The following SHISA9 variants were observed in gnomAD, a reference collection of about 807,000 sequenced individuals.
SHISA9 encodes the protein shisa family member 9.
Under a neutral mutation model 38.0 loss-of-function variants are expected in SHISA9, and 13 were observed. That is an observed-to-expected ratio of 0.34 (90% CI 0.22 to 0.54). The LOEUF is 0.54. Ranked by LOEUF, SHISA9 falls within the 20% of genes least tolerant of loss-of-function variation. The pLI, the probability that SHISA9 is intolerant of heterozygous loss-of-function variation, is 0.91. For synonymous variants in SHISA9, 275 were observed against 242.0 expected (o/e 1.14, Z -1.27); for missense variants, 538 against 575.8 (o/e 0.93, Z 0.67).
chr16:13,214,086 G>A (rs1412143142), intron 4 of SHISA9, among the ~76,000 whole-genome samples: 2 of 152,170 alleles, frequency 1.3e-5, no homozygotes. Flanking sequence ...TTTTCCACTA[G>A]GGTGTAATGG....
Position 12,978,062 on chromosome 16 carries a change from A to G in SHISA9, c.691+61247A>G, listed in dbSNP as rs571063388. 3.3e-5 allele frequency among the ~76,000 whole-genome samples: 5 copies of G among 152,310 alleles called. No individual in the cohort carries two copies. In the South Asian group the frequency reaches 1.0e-3, roughly 32 times the overall value. ...TGGGGGAGAGGTAGGATTTTTGCAG[A>G]GGGACTAGTTGGTGCAAAGACAGGC... On this transcript the variant is annotated intron_variant, in intron 2 of 4. Transcript: ENST00000558583.
the SHISA9 span, among the ~76,000 whole-genome samples, chr16:13,316,949 A>G: frequency 6.6e-6 from 1 of 152,216 alleles, no homozygotes; most frequent in African/African-American, 2.4e-5. Flanking sequence ...TTCTCTGTGC[A>G]TTTAAGGAAG....
chr16:13,354,794 A>C, the SHISA9 span, among the ~76,000 whole-genome samples: 1 of 152,158 alleles, frequency 6.6e-6, no homozygotes, highest in Non-Finnish European at 1.5e-5. Context: ...TGTTTTGTAG[A>C]AGGTGCTGGG....
At chr16:12,912,690 G>A (rs148415712) in intron 1 of SHISA9, among the ~76,000 whole-genome samples, 6 of 152,260 alleles carry the variant, frequency 3.9e-5, no homozygotes, top group Non-Finnish European at 8.8e-5. Context: ...CACGGAGGTT[G>A]CAAGGAGCCC....
chr16:13,166,841 C>G (rs951814825), intron 2 of SHISA9, among the ~76,000 whole-genome samples: 2 of 152,128 alleles, frequency 1.3e-5, no homozygotes, highest in African/African-American at 4.8e-5. Context: ...AACACTCTAT[C>G]AAGATGCTTT....
the SHISA9 span, among the ~76,000 whole-genome samples, chr16:13,483,754 G>T: frequency 6.6e-6 from 1 of 152,092 alleles, no homozygotes; most frequent in Middle Eastern, 3.2e-3. Flanking sequence ...CAAGAGAACT[G>T]GGTCCAGAGA....
the SHISA9 span, among the ~76,000 whole-genome samples, chr16:13,432,083 T>C: frequency 6.6e-6 from 1 of 152,106 alleles, no homozygotes; most frequent in East Asian, 1.9e-4. Context: ...AAAGCTTAAA[T>C]AACAAAATGA....
At chr16:13,396,894 C>G in the SHISA9 span, among the ~76,000 whole-genome samples, 1 of 152,070 alleles carries the variant, frequency 6.6e-6, no homozygotes, top group Non-Finnish European at 1.5e-5. Context: ...ACAGCTGACC[C>G]TTGAACAGCA....
chr16:12,923,356 G>A (rs1247832201), intron 2 of SHISA9, among the ~76,000 whole-genome samples: 2 of 152,054 alleles, frequency 1.3e-5, no homozygotes, highest in African/African-American at 4.8e-5. Context: ...TGGCGAAACC[G>A]TGTCCCTACA....
intron 2 of SHISA9, among the ~76,000 whole-genome samples, chr16:13,068,932 G>A (rs2073469007): frequency 6.6e-6 from 1 of 152,132 alleles, no homozygotes; most frequent in Admixed American, 6.5e-5. Context: ...GTGTGTACAT[G>A]CAATGTGTAT....
the SHISA9 span, chr16:13,350,670 T>G: frequency 2.0e-5 from 3 of 152,200 alleles, no homozygotes; most frequent in South Asian, 2.1e-4. Context: ...GTGGGTTCTT[T>G]CCAGTTGTGC....
At chr16:13,218,960 G>T (rs1031454175) in intron 4 of SHISA9, among the ~76,000 whole-genome samples, 7 of 152,154 alleles carry the variant, frequency 4.6e-5, no homozygotes, top group Non-Finnish European at 1.0e-4. Context: ...TTGGTTATTG[G>T]TTTGGTCATG....
rs528591539 is a variant in SHISA9 at position 13,017,142 on chromosome 16, T to C, written c.691+100327T>C. On this transcript the variant is annotated intron_variant, in intron 2 of 4. Transcript: ENST00000558583. ...TTAAGTGATTCTCCTGCTTCAGCCTTCCAAGTAGCTGGGATTACAGGCCCC... is the reference window on the plus strand; with the variant it reads ...TTAAGTGATTCTCCTGCTTCAGCCTCCCAAGTAGCTGGGATTACAGGCCCC... Among the ~76,000 whole-genome samples, 22 of 152,036 alleles carry C rather than the reference T, an allele frequency of 1.4e-4. No homozygotes were observed. In the South Asian group the frequency reaches 4.6e-3, roughly 32 times the overall value.
the SHISA9 span, among the ~76,000 whole-genome samples, chr16:13,485,697 T>C: frequency 6.6e-6 from 1 of 152,214 alleles, no homozygotes; most frequent in Non-Finnish European, 1.5e-5. Flanking sequence ...CAATAAGTTA[T>C]TGTTAACTCT....
At chr16:13,117,207 C>T (rs1344994636) in intron 2 of SHISA9, among the ~76,000 whole-genome samples, 1 of 152,134 alleles carries the variant, frequency 6.6e-6, no homozygotes, top group African/African-American at 2.4e-5. Context: ...AATTCCTGAC[C>T]TTGGTGATCC....
the SHISA9 span, among the ~76,000 whole-genome samples, chr16:13,285,639 G>T: frequency 2.3e-4 from 35 of 152,068 alleles, no homozygotes; most frequent in Non-Finnish European, 4.3e-4. Flanking sequence ...TCCCGCTTTG[G>T]GGACCTTCTT....
rs908474516 is a variant in SHISA9, at chr16:13,203,553, A to G, written c.847+4A>G. 2.6e-6 allele frequency: 4 copies of G among 1,511,126 alleles called. No individual in the cohort carries two copies. The highest frequency in any genetic ancestry group is 2.8e-5 in the African/African-American group (2 of 71,664). 93.6% of individuals were successfully genotyped at this position (1,511,126 alleles called of 1,614,324 possible). On this transcript the variant is annotated splice_donor_region_variant and intron_variant, in intron 3 of 4. Transcript: ENST00000558583. The stretch of plus-strand genomic sequence containing the variant: ...TACGCCTCCTTAAAGGCAGTCGGTA[A>G]GTGCCACCTGATGGATCTTTTTCTC...
chr16:13,346,332 C>T, the SHISA9 span, among the ~76,000 whole-genome samples: 18 of 152,278 alleles, frequency 1.2e-4, no homozygotes, highest in South Asian at 2.3e-3. Context: ...CTAAAGACCC[C>T]TACAGCTTTA....
the SHISA9 span, among the ~76,000 whole-genome samples, chr16:13,266,697 C>G: frequency 5.3e-4 from 81 of 152,156 alleles, no homozygotes; most frequent in African/African-American, 1.9e-3. Flanking sequence ...CTCTGGGGAC[C>G]CTGCTGGAGG....
Sources: allele counts gnomAD v4.1 joint callset (sites outside exome capture counted in the v4.1 genomes callset), GRCh38; gene constraint gnomAD v4.1.1; transcripts MANE v1.5; gene names NCBI Gene and HGNC (gene_info 2026-07-23, HGNC 2026-07-21).